The following MACROD2 variants were observed in gnomAD, a reference collection of about 807,000 sequenced individuals.
The protein encoded by MACROD2 is ADP-ribose glycohydrolase MACROD2.
MACROD2 carries 36 observed loss-of-function variants against 70.4 expected under a neutral mutation model. That is an observed-to-expected ratio of 0.51 (90% CI 0.39 to 0.68). The LOEUF (loss-of-function observed/expected upper bound fraction) is 0.68, where lower values mean the gene tolerates loss of function less well. Among genes scored for constraint, MACROD2 ranks in the 30% least tolerant of loss-of-function variants. MACROD2 has a pLI of 0.00. For synonymous variants in MACROD2, 172 were observed against 178.8 expected, an observed-to-expected ratio of 0.96 and a Z score of 0.30; for missense variants, 496 against 538.4, an observed-to-expected ratio of 0.92 and a Z score of 0.78.
chr20:15,627,743 G>A (rs1413240494), intron 8 of MACROD2, among the ~76,000 whole-genome samples: 2 of 152,200 alleles, frequency 1.3e-5, no homozygotes, highest in Non-Finnish European at 2.9e-5. Flanking sequence ...GACAGATCTT[G>A]TGACCAGTCT....
chr20:15,914,931 A>T (rs2065290724), intron 10 of MACROD2, among the ~76,000 whole-genome samples: 1 of 34,838 alleles, frequency 2.9e-5, no homozygotes. Context: ...TACTGCTACC[A>T]GTTAATTACA....
chr20:14,564,205 C>A (rs762960994), intron 4 of MACROD2, among the ~76,000 whole-genome samples: 1 of 151,660 alleles, frequency 6.6e-6, no homozygotes, highest in Non-Finnish European at 1.5e-5. Flanking sequence ...AAATATGGAC[C>A]AAAGACTTAA....
intron 8 of MACROD2, among the ~76,000 whole-genome samples, chr20:15,637,727 A>T (rs1206316044): frequency 6.6e-6 from 1 of 152,186 alleles, no homozygotes; most frequent in Non-Finnish European, 1.5e-5. Flanking sequence ...ATAATGAAGG[A>T]CTGGGGAGCC....
intron 9 of MACROD2, among the ~76,000 whole-genome samples, chr20:15,884,387 T>C (rs770615555): frequency 1.3e-5 from 2 of 151,996 alleles, no homozygotes; most frequent in Non-Finnish European, 2.9e-5. Context: ...AGTGTTGCCA[T>C]CCATGTGGGT....
Position 15,233,967 on chromosome 20 carries a change from T to TATA in MACROD2, c.540+3906_540+3907insATA, listed in dbSNP as rs1568657240. 5.1e-3 allele frequency among the ~76,000 whole-genome samples: 247 copies of TATA among 48,534 alleles called. 7 individuals are homozygous for TATA. The highest frequency in any genetic ancestry group is 0.011 in the Middle Eastern group (1 of 92). 31.8% of individuals were successfully genotyped at this position (48,534 alleles called of 152,430 possible). A position where few individuals can be genotyped will look rare whatever the true frequency, so the allele number is the denominator to read the frequency against. The stretch of plus-strand genomic sequence containing the variant: ...TTACCCTTGGATCCAAAAAATTTAT[T>TATA]TTTATATATATTTATTTATATATAT... On this transcript the variant is annotated intron_variant, in intron 6 of 17. Coordinates refer to ENST00000684519, the MANE Select transcript of MACROD2 (RefSeq NM_001351661.2).
intron 5 of MACROD2, among the ~76,000 whole-genome samples, chr20:14,749,659 A>T (rs896002075): frequency 2.0e-5 from 3 of 152,190 alleles, no homozygotes; most frequent in African/African-American, 7.2e-5. Flanking sequence ...AAATATCAAT[A>T]TAAATTTTAA....
chr20:15,090,348 G>C (rs1388367632), intron 5 of MACROD2, among the ~76,000 whole-genome samples: 2 of 152,008 alleles, frequency 1.3e-5, no homozygotes, highest in African/African-American at 4.8e-5. Flanking sequence ...ACTCTTGTTT[G>C]ATATAATTTA....
chr20:15,002,839 A>G (rs2075006717), intron 5 of MACROD2, among the ~76,000 whole-genome samples: 1 of 152,164 alleles, frequency 6.6e-6, no homozygotes, highest in Non-Finnish European at 1.5e-5. Flanking sequence ...TGGGCCCACT[A>G]TTGTCAAATC....
At chr20:16,035,562 A>C (rs1005415885) in intron 15 of MACROD2, among the ~76,000 whole-genome samples, 1 of 152,070 alleles carries the variant, frequency 6.6e-6, no homozygotes, top group Non-Finnish European at 1.5e-5. Context: ...ATGAAGCTCA[A>C]GATTTCATAG....
intron 10 of MACROD2, among the ~76,000 whole-genome samples, chr20:15,913,373 A>G (rs1477722080): frequency 6.6e-6 from 1 of 151,950 alleles, no homozygotes; most frequent in African/African-American, 2.4e-5. Flanking sequence ...TGTTGTGTGT[A>G]TTTTTTCCCT....
At chr20:14,684,387 T>A (rs1178834618) in intron 4 of MACROD2, among the ~76,000 whole-genome samples, 1 of 152,188 alleles carries the variant, frequency 6.6e-6, no homozygotes, top group African/African-American at 2.4e-5. Flanking sequence ...GGTTTCTTAC[T>A]GACTTTTTTC....
rs2074943011 is a variant in MACROD2 at position 14,995,643 on chromosome 20, T to C, written c.419-234297T>C. Among the ~76,000 whole-genome samples, 5 of 152,194 alleles carry C rather than the reference T, an allele frequency of 3.3e-5. No individual in the cohort carries two copies. In the South Asian group the frequency reaches 1.0e-3, roughly 31 times the overall value. Reference sequence around the variant, plus strand: ...AAAATTCATATACAGTGTCATACGCTGTCAGTGGAATTAAGCTAAATATTG... The same window carrying C: ...AAAATTCATATACAGTGTCATACGCCGTCAGTGGAATTAAGCTAAATATTG... On this transcript the variant is annotated intron_variant, in intron 5 of 17. Coordinates refer to ENST00000684519, the MANE Select transcript of MACROD2 (RefSeq NM_001351661.2).
chr20:14,029,658 A>G (rs2053223081), intron 2 of MACROD2, among the ~76,000 whole-genome samples: 1 of 152,204 alleles, frequency 6.6e-6, no homozygotes, highest in Non-Finnish European at 1.5e-5. Flanking sequence ...GCTGTCATTG[A>G]AAGTATTCAG....
intron 5 of MACROD2, among the ~76,000 whole-genome samples, chr20:15,089,169 A>G (rs189212271): frequency 3.9e-5 from 6 of 152,286 alleles, no homozygotes; most frequent in Non-Finnish European, 8.8e-5. Flanking sequence ...CTGTCATTCT[A>G]TGAAAGTATT....
chr20:15,121,453 C>T (rs2076029607), intron 5 of MACROD2, among the ~76,000 whole-genome samples: 1 of 143,414 alleles, frequency 7.0e-6, no homozygotes, highest in Non-Finnish European at 1.5e-5. Context: ...GCAGAGGTTG[C>T]AGTGAGCCGA....
In MACROD2 at chr20:15,204,133, C is replaced by T. The variant is rs530820492; in HGVS notation, c.419-25807C>T. On this transcript the variant is annotated intron_variant, in intron 5 of 17. Coordinates refer to ENST00000684519, the MANE Select transcript of MACROD2 (RefSeq NM_001351661.2). ...GGTGGGGGTCACTATTAGAAATTTC[C>T]ATTGTCCAATTTTCTCACCATGACC... 2.0e-5 allele frequency among the ~76,000 whole-genome samples: 3 copies of T among 152,090 alleles called. No individual in the cohort carries two copies. In the East Asian group the frequency reaches 5.8e-4, roughly 29 times the overall value.
At chr20:15,828,547 G>A (rs2064022111) in intron 8 of MACROD2, among the ~76,000 whole-genome samples, 1 of 152,138 alleles carries the variant, frequency 6.6e-6, no homozygotes, top group Non-Finnish European at 1.5e-5. Flanking sequence ...ATGAACAAAT[G>A]TCAGAATTAA....
At chr20:14,101,719 G>A (rs1222241846) in intron 3 of MACROD2, among the ~76,000 whole-genome samples, 2 of 151,610 alleles carry the variant, frequency 1.3e-5, no homozygotes, top group Non-Finnish European at 2.9e-5. Flanking sequence ...ATTCCCTGGA[G>A]TTAAATATTA....
At chr20:15,800,664 G>A (rs1290711020) in intron 8 of MACROD2, among the ~76,000 whole-genome samples, 2 of 152,056 alleles carry the variant, frequency 1.3e-5, no homozygotes, top group African/African-American at 2.4e-5. Flanking sequence ...CCCTCTGCCC[G>A]GCCACCACCC....
Sources: gnomAD v4.1 joint callset for allele counts (sites outside exome capture counted in the v4.1 genomes callset) on GRCh38, gnomAD v4.1.1 for gene constraint, MANE v1.5 for transcripts, NCBI Gene and HGNC (gene_info 2026-07-23, HGNC 2026-07-21) for gene names.